Variants in WFS1 observed in about 807,000 individuals in gnomAD.
WFS1 encodes wolframin ER transmembrane glycoprotein.
WFS1 carries 90 observed loss-of-function variants against 68.5 expected under a neutral mutation model. The observed-to-expected ratio is 1.31, with a 90% CI of 1.11 to 1.56. WFS1 has a LOEUF of 1.56. Ranked by LOEUF, WFS1 falls within the 40% of genes most tolerant of loss-of-function variation. The probability of loss-of-function intolerance (pLI) is 0.00; values close to 1 mark genes in which losing one functional copy is unlikely to be tolerated. For synonymous variants in WFS1, 860 were observed against 540.7 expected (o/e 1.59, Z -8.19); for missense variants, 1,767 against 1,232.6 (o/e 1.43, Z -6.49).
intron 1 of WFS1, among the ~76,000 whole-genome samples, chr4:6,271,320 AC>A (rs771259971): frequency 5.9e-5 from 9 of 152,056 alleles, no homozygotes; most frequent in Non-Finnish European, 1.0e-4. Context: ...TGGCTGGGAG[AC>A]CCCATCTCAC....
rs777991300 is a variant in WFS1 at position 6,300,863 on chromosome 4, C to T, written c.1068C>T (p.Ser356=). The part of the protein sequence containing the change: ...PLVIFYLSFI[S]MVICTLKVFQ... ...TCATCTTCTACCTGTCCTTCATCTCCATGGTGATCTGCACCCTCAAGGTGT... is the reference window on the plus strand; with the variant it reads ...TCATCTTCTACCTGTCCTTCATCTCTATGGTGATCTGCACCCTCAAGGTGT... The change falls in exon 8 of 8, where the codon TCC becomes TCT. Residue 356 remains serine (S), a synonymous_variant. Transcript: ENST00000226760. 25 of 1,614,054 alleles carry T rather than the reference C, an allele frequency of 1.5e-5. No homozygotes were observed. The highest frequency in any genetic ancestry group is 4.5e-5 in the East Asian group (2 of 44,894).
intron 3 of WFS1, among the ~76,000 whole-genome samples, chr4:6,288,250 T>G (rs958245977): frequency 6.6e-6 from 1 of 150,794 alleles, no homozygotes; most frequent in African/African-American, 2.4e-5. Context: ...TTTCCTGACC[T>G]CACAGCCATA....
At position 6,301,282 on chromosome 4, in the gene WFS1, TG is replaced by T; in HGVS notation, c.1489del (p.Val497SerfsTer25). 6.2e-7 allele frequency: 1 copy of T among 1,611,496 alleles called. No homozygotes were observed. The highest frequency in any genetic ancestry group is 8.5e-7 in the Non-Finnish European group (1 of 1,180,012). ...TTCATCACCGTGCCTGTCGGCCACC[TG>T]GTCGTCCTCAACGTCAGCGTCCCGT... ...QTFITVPVGH[L>X]VVLNVSVPCL... On this transcript the variant is annotated frameshift_variant, in exon 8 of 8. Transcript: ENST00000226760. LOFTEE classifies it high-confidence loss of function.
rs376596370 is a variant in WFS1, at chr4:6,289,121, G to A, written c.450G>A (p.Ala150=). ...EAVKLLRRCL[A]DRRGITSENE... Reference sequence around the variant, plus strand: ...TGAAGCTGCTTCGCCGGTGCTTGGCGGACAGAAGAGGTGGGTCTGTGTGAG... The same window carrying A: ...TGAAGCTGCTTCGCCGGTGCTTGGCAGACAGAAGAGGTGGGTCTGTGTGAG... The change falls in exon 4 of 8, where the codon GCG becomes GCA. Residue 150 remains alanine, a synonymous_variant. Transcript: ENST00000226760. 5.1e-6 allele frequency: 8 copies of A among 1,577,186 alleles called. No individual in the cohort carries two copies. Among genetic ancestry groups the A allele is most frequent in the Middle Eastern group, 1.7e-4 (1 of 5,870 alleles).
intron 2 of WFS1, among the ~76,000 whole-genome samples, chr4:6,279,730 C>T (rs982237747): frequency 1.3e-5 from 2 of 152,120 alleles, no homozygotes; most frequent in African/African-American, 2.4e-5. Flanking sequence ...CCCCTAGGGG[C>T]ACCCCAGGAG....
At chr4:6,291,783 C>A in intron 5 of WFS1, 134 bp from the exon 6 acceptor site, 1 of 939,562 alleles carries the variant, frequency 1.1e-6, no homozygotes, top group Non-Finnish European at 1.7e-6. Context: ...GCCCTGGGGG[C>A]CCTATGATCC....
Position 6,301,488 on chromosome 4 carries a change from C to T in WFS1, c.1693C>T (p.Leu565Phe). The change falls in exon 8 of 8, where the codon CTC becomes TTC. Residue 565 changes from leucine to phenylalanine, a missense_variant. Physicochemically the swap from Leu to Phe is conservative, Grantham distance 22. Coordinates refer to ENST00000226760, the MANE Select transcript of WFS1 (RefSeq NM_006005.3). ...GCTCCGCGCCTCCATCGGCTACTTC[C>T]TCTTCCTCTTTGCCCTCCCCATCCT... ...GLLRASIGYF[L>F]FLFALPILVA... is the part of the protein sequence containing the mutation. 6.2e-7 allele frequency: 1 copy of T among 1,613,128 alleles called. No homozygotes were observed. The highest frequency in any genetic ancestry group is 8.5e-7 in the Non-Finnish European group (1 of 1,179,864).
At chr4:6,293,281 C>T (rs985715544) in intron 6 of WFS1, among the ~76,000 whole-genome samples, 42 of 152,104 alleles carry the variant, frequency 2.8e-4, no homozygotes, top group Non-Finnish European at 5.9e-5. Context: ...TTGCTGGGGG[C>T]GAGTTAGGAG....
chr4:6,284,262 A>T (rs928369725), intron 2 of WFS1, among the ~76,000 whole-genome samples: 2 of 152,090 alleles, frequency 1.3e-5, no homozygotes, highest in African/African-American at 4.8e-5. Flanking sequence ...ATTCCCAGCT[A>T]CTCAGGAGGC....
chr4:6,279,335 C>T (rs1037612016), intron 2 of WFS1, among the ~76,000 whole-genome samples: 3 of 152,208 alleles, frequency 2.0e-5, no homozygotes, highest in Non-Finnish European at 2.9e-5. Flanking sequence ...AGGGCATTAG[C>T]CCACTTGCCT....
chr4:6,287,235 C>A lies in WFS1; in HGVS notation c.315+60C>A. On this transcript the variant is annotated intron_variant, in intron 3 of 7. Transcript: ENST00000226760. This position sits in a 1 kb window ranked among gnomAD's most constrained non-coding sequence, Gnocchi z 6.4. ...GCGGCCCCCGGCACAACAGGCCTGG[C>A]CACGAGCTCCACAGCCCACAGAGAA... The A allele has an allele frequency of 7.2e-7, 1 of 1,398,540 alleles. No individual in the cohort carries two copies. The highest frequency in any genetic ancestry group is 9.9e-7 in the Non-Finnish European group (1 of 1,010,302). The allele number at this position is 1,398,540 out of a possible 1,614,324, so 86.6% of individuals were successfully genotyped here. A position where few individuals can be genotyped will look rare whatever the true frequency, so the allele number is the denominator to read the frequency against.
intron 2 of WFS1, among the ~76,000 whole-genome samples, chr4:6,281,527 G>A (rs560050692): frequency 6.6e-5 from 10 of 152,320 alleles, no homozygotes; most frequent in African/African-American, 1.7e-4. Context: ...AGGTAGACAT[G>A]GAGGGGAGAA....
Position 6,301,405 on chromosome 4 carries a change from G to A in WFS1, c.1610G>A (p.Cys537Tyr), listed in dbSNP as rs199910987. 5.7e-5 allele frequency: 92 copies of A among 1,612,486 alleles called. No homozygotes were observed. In the African/African-American group the frequency reaches 9.5e-4, roughly 17 times the overall value. The part of the protein sequence containing the change: ...TYCYLVPYLV[C>Y]FMWCELSVVI... ...TGCTACCTTGTGCCCTACCTGGTGT[G>A]CTTCATGTGGTGTGAGCTCTCCGTG... Residue 537 changes from cysteine to tyrosine, a missense_variant, in exon 8 of 8, where the codon TGC becomes TAC. Cys to Tyr is a radical substitution (Grantham distance 194). Coordinates refer to ENST00000226760, the MANE Select transcript of WFS1 (RefSeq NM_006005.3).
chr4:6,292,047 G>T lies in WFS1; in HGVS notation c.712+50G>T, dbSNP rs771157130. 6 of 1,527,278 alleles carry T rather than the reference G, an allele frequency of 3.9e-6. No individual in the cohort carries two copies. In the South Asian group the frequency reaches 7.2e-5, roughly 18 times the overall value. The allele number at this position is 1,527,278 out of a possible 1,614,324, so 94.6% of individuals were successfully genotyped here. A position where few individuals can be genotyped will look rare whatever the true frequency, so the allele number is the denominator to read the frequency against. Reference sequence around the variant, plus strand: ...CACCCATGCCTCCCAGCCTGCACCTGCAGGGCGACCTCTCCTTCCTGTGCG... The same window carrying T: ...CACCCATGCCTCCCAGCCTGCACCTTCAGGGCGACCTCTCCTTCCTGTGCG... On this transcript the variant is annotated intron_variant, in intron 6 of 7. Coordinates refer to ENST00000226760, the MANE Select transcript of WFS1 (RefSeq NM_006005.3).
rs1560407522 is a variant in WFS1, at chr4:6,287,172, T to TGA, written c.314_315dup (p.Val106ArgfsTer38). ...AGGCCGGGGACCCCAAGGCACAGACTGAGGTGAGGACTGCGGTGCCGGCAG... is the reference window on the plus strand; with the variant it reads ...AGGCCGGGGACCCCAAGGCACAGACTGAGAGGTGAGGACTGCGGTGCCGGCAG... On this transcript the variant is annotated frameshift_variant, in exon 3 of 8. Transcript: ENST00000226760. LOFTEE classifies it high-confidence loss of function. The surrounding 1 kb of genome is among the most constrained non-coding windows in gnomAD (Gnocchi z 6.4). The TGA allele has an allele frequency of 6.4e-7, 1 of 1,557,912 alleles. No homozygotes were observed.
intron 6 of WFS1, among the ~76,000 whole-genome samples, chr4:6,294,405 C>A (rs1250777767): frequency 6.6e-6 from 1 of 152,102 alleles, no homozygotes; most frequent in Non-Finnish European, 1.5e-5. Context: ...CGGCCCATGG[C>A]AGGACGCATG....
chr4:6,279,697 C>T (rs1473524394), intron 2 of WFS1, among the ~76,000 whole-genome samples: 7 of 152,138 alleles, frequency 4.6e-5, no homozygotes, highest in Non-Finnish European at 7.4e-5. Flanking sequence ...TCATGTAGCG[C>T]GGGGGACAAC....
chr4:6,278,839 G>A (rs1013988776), intron 2 of WFS1, among the ~76,000 whole-genome samples: 1 of 152,252 alleles, frequency 6.6e-6, no homozygotes, highest in Non-Finnish European at 1.5e-5. Context: ...GCCTGACCCC[G>A]GGATTTGGGC....
chr4:6,288,891 G>A, intron 3 of WFS1, 96 bp from the exon 4 acceptor site: 2 of 1,539,956 alleles, frequency 1.3e-6, no homozygotes, highest in Admixed American at 1.9e-5. Flanking sequence ...TGGCCTGGGT[G>A]ACAAAGGGAA....
Sources: allele counts gnomAD v4.1 joint callset (sites outside exome capture counted in the v4.1 genomes callset), GRCh38; gene constraint gnomAD v4.1.1; non-coding constraint Gnocchi (gnomAD v3.1); transcripts MANE v1.5; gene names NCBI Gene and HGNC (gene_info 2026-07-23, HGNC 2026-07-21).